The following LMX1A variants were observed in gnomAD, a reference collection of about 807,000 sequenced individuals.
LMX1A encodes LIM homeobox transcription factor 1 alpha.
A neutral mutation model predicts 49.1 loss-of-function variants in LMX1A; 15 were observed. The observed-to-expected ratio is 0.31, with a 90% CI of 0.20 to 0.47. LMX1A has a LOEUF of 0.47. Ranked by LOEUF, LMX1A falls within the 20% of genes least tolerant of loss-of-function variation. The pLI is 1.00. For missense variants in LMX1A, 372 were observed against 475.8 expected (o/e 0.78, Z 2.03); for synonymous variants, 167 against 185.7 (o/e 0.90, Z 0.82).
intron 3 of LMX1A, among the ~76,000 whole-genome samples, chr1:165,281,912 GT>G (rs1654163663): frequency 6.6e-6 from 1 of 152,200 alleles, no homozygotes; most frequent in African/African-American, 2.4e-5. Context: ...ATGGCAATGA[GT>G]TTTCACTGAT....
At chr1:165,298,147 C>G (rs1654669929) in intron 3 of LMX1A, among the ~76,000 whole-genome samples, 1 of 152,206 alleles carries the variant, frequency 6.6e-6, no homozygotes, top group Admixed American at 6.5e-5. Context: ...TACCCAAGCT[C>G]AGGGCTGATT....
chr1:165,348,468 C>T (rs938537832), intron 3 of LMX1A, among the ~76,000 whole-genome samples: 17 of 152,180 alleles, frequency 1.1e-4, no homozygotes, highest in East Asian at 1.9e-4. Context: ...AACACAGCCA[C>T]GGCCCATGGA....
At chr1:165,239,844 G>T (rs543242771) in intron 4 of LMX1A, among the ~76,000 whole-genome samples, 2 of 152,272 alleles carry the variant, frequency 1.3e-5, no homozygotes, top group South Asian at 4.2e-4. Context: ...CCAAGCCTTT[G>T]GGCCCAGAGA....
At chr1:165,229,491 G>A (rs1253418450) in intron 4 of LMX1A, among the ~76,000 whole-genome samples, 1 of 152,192 alleles carries the variant, frequency 6.6e-6, no homozygotes, top group East Asian at 1.9e-4. Flanking sequence ...GTGGGTGGGA[G>A]GAAGCCTGAT....
chr1:165,290,704 G>A (rs1654443995), intron 3 of LMX1A, among the ~76,000 whole-genome samples: 1 of 152,230 alleles, frequency 6.6e-6, no homozygotes, highest in Non-Finnish European at 1.5e-5. Flanking sequence ...AGGAATGAAA[G>A]ATTATTAAGG....
chr1:165,288,849 G>A (rs547080879), intron 3 of LMX1A, among the ~76,000 whole-genome samples: 6 of 152,290 alleles, frequency 3.9e-5, no homozygotes, highest in South Asian at 2.1e-4. Context: ...GATGTGTGGC[G>A]GTGCAGTTGC....
intron 3 of LMX1A, among the ~76,000 whole-genome samples, chr1:165,302,696 T>A (rs1654815242): frequency 6.6e-6 from 1 of 152,212 alleles, no homozygotes; most frequent in African/African-American, 2.4e-5. Flanking sequence ...GCACTACCAC[T>A]GAATTTTTGG....
In LMX1A at chr1:165,204,168, T is replaced by G. The variant is rs1385742341; in HGVS notation, c.989-128A>C. 6.3e-6 allele frequency: 6 copies of G among 951,848 alleles called. No individual in the cohort carries two copies. In the South Asian group the frequency reaches 9.9e-5, roughly 16 times the overall value. 59.0% of individuals were successfully genotyped at this position (951,848 alleles called of 1,614,324 possible). ...TCCAGGTGAAACTTTCTACAAAAAG[T>G]CTATATTCTCTTTAGGGGGCTCAAG... On this transcript the variant is annotated intron_variant, in intron 8 of 8. Coordinates refer to ENST00000342310, the MANE Select transcript of LMX1A (RefSeq NM_177398.4).
At chr1:165,348,152 T>C (rs185242833) in intron 3 of LMX1A, among the ~76,000 whole-genome samples, 1 of 152,326 alleles carries the variant, frequency 6.6e-6, no homozygotes. Flanking sequence ...GTAGGTGTAA[T>C]ATGTAAAACG....
At chr1:165,224,943 A>C (rs1651980490) in intron 4 of LMX1A, among the ~76,000 whole-genome samples, 1 of 152,174 alleles carries the variant, frequency 6.6e-6, no homozygotes, top group African/African-American at 2.4e-5. Context: ...ATTAGTACCC[A>C]TCCAGTTATG....
chr1:165,210,500 T>C lies in LMX1A; in HGVS notation c.747+199A>G, dbSNP rs6667188. The stretch of plus-strand genomic sequence containing the variant: ...GCTAGGAAAATACAAGCAATTTCAC[T>C]AAAATGAATGCCTTCTCTCTCCCCT... On this transcript the variant is annotated intron_variant, in intron 6 of 8. Coordinates refer to ENST00000342310, the MANE Select transcript of LMX1A (RefSeq NM_177398.4). 0.023 allele frequency: 9,216 copies of C among 408,310 alleles called. 328 individuals carry two copies. The highest frequency in any genetic ancestry group is 0.093 in the East Asian group (2,601 of 27,866). The allele number at this position is 408,310 out of a possible 1,614,324, so 25.3% of individuals were successfully genotyped here. A position where few individuals can be genotyped will look rare whatever the true frequency, so the allele number is the denominator to read the frequency against.
At chr1:165,239,823 A>G (rs183162691) in intron 4 of LMX1A, among the ~76,000 whole-genome samples, 29 of 152,354 alleles carry the variant, frequency 1.9e-4, no homozygotes, top group Admixed American at 1.6e-3. Flanking sequence ...TACTGTATTC[A>G]GGCCACTGCA....
At chr1:165,205,245 C>G (rs1049831160) in intron 8 of LMX1A, among the ~76,000 whole-genome samples, 4 of 152,174 alleles carry the variant, frequency 2.6e-5, no homozygotes, top group Non-Finnish European at 5.9e-5. Flanking sequence ...CACCCAGCCC[C>G]CTACTCTGGG....
intron 3 of LMX1A, among the ~76,000 whole-genome samples, chr1:165,335,250 T>C (rs1258948247): frequency 1.3e-5 from 2 of 152,266 alleles, no homozygotes; most frequent in East Asian, 3.9e-4. Context: ...TGAGAGAAAC[T>C]GTATATGATT....
At chr1:165,221,966 TTC>T (rs1452559622) in intron 4 of LMX1A, among the ~76,000 whole-genome samples, 2 of 144,058 alleles carry the variant, frequency 1.4e-5, no homozygotes, top group African/African-American at 5.1e-5. Flanking sequence ...CACACACGCT[TTC>T]TCTCTCTCTC....
intron 3 of LMX1A, among the ~76,000 whole-genome samples, chr1:165,347,847 T>C (rs1384982149): frequency 6.6e-6 from 1 of 152,232 alleles, no homozygotes; most frequent in Non-Finnish European, 1.5e-5. Context: ...GTCTACTTTC[T>C]CCCTTCTAAA....
At chr1:165,247,790 T>C (rs1652912729) in intron 4 of LMX1A, among the ~76,000 whole-genome samples, 2 of 152,246 alleles carry the variant, frequency 1.3e-5, no homozygotes. Flanking sequence ...CACCATTTTA[T>C]AGCTGTGGAG....
chr1:165,203,917 T>C lies in LMX1A; in HGVS notation c.1112A>G (p.His371Arg), dbSNP rs765625876. 5 of 1,614,004 alleles carry C rather than the reference T, an allele frequency of 3.1e-6. No individual in the cohort carries two copies. The South Asian group carries it at 3.3e-5, about 11-fold the overall frequency. Residue 371 changes from histidine (H) to arginine (R), a missense_variant, in exon 9 of 9, where the codon CAT (histidine) becomes CGT (arginine). By Grantham distance (29) the His-to-Arg change is conservative. Around this residue, in one of 3 missense-constraint regions of LMX1A, gnomAD observed 127 missense variants for 138.0 expected, o/e 0.92. Coordinates refer to ENST00000342310, the MANE Select transcript of LMX1A (RefSeq NM_177398.4). ...LQSRVGNPID[H>R]LYSMQNSYFT... ...GTAAGAATTCTGCATGGAGTACAGA[T>C]GGTCAATGGGGTTTCCCACTCTGGA...
chr1:165,346,235 G>C (rs957833641), intron 3 of LMX1A, among the ~76,000 whole-genome samples: 2 of 152,130 alleles, frequency 1.3e-5, no homozygotes, highest in African/African-American at 4.8e-5. Context: ...AACACAGATC[G>C]ATCTATTGGT....
Sources: allele counts gnomAD v4.1 joint callset (sites outside exome capture counted in the v4.1 genomes callset), GRCh38; gene constraint gnomAD v4.1.1; regional missense constraint gnomAD v4.1.1; transcripts MANE v1.5; gene names NCBI Gene and HGNC (gene_info 2026-07-23, HGNC 2026-07-21).